The following CP variants were observed in gnomAD, a reference collection of about 807,000 sequenced individuals.
CP encodes caeruloplasmin.
Under a neutral mutation model 122.4 loss-of-function variants are expected in CP, and 64 were observed. The observed-to-expected ratio is 0.52, with a 90% CI of 0.43 to 0.64. The LOEUF is 0.64. Among genes scored for constraint, CP ranks in the 30% least tolerant of loss-of-function variants. CP has a pLI of 0.00. For missense variants in CP, 1,167 were observed against 1,284.4 expected (o/e 0.91, Z 1.40); for synonymous variants, 440 against 436.4 (o/e 1.01, Z -0.10).
intron 4 of CP, chr3:149,167,341 A>G: frequency 1.1e-6 from 1 of 899,458 alleles, no homozygotes; most frequent in South Asian, 1.4e-5. Flanking sequence ...ATGCTAATCC[A>G]ACATCATAAG....
At chr3:149,167,963 T>G, downstream of CP, 1 of 1,584,568 alleles carries the variant, frequency 6.3e-7, no homozygotes, top group Non-Finnish European at 8.7e-7. Context: ...AAGTATCAAC[T>G]CTACCTGTCA....
chr3:149,190,950 A>G lies in CP; in HGVS notation c.1714-2748T>C, dbSNP rs896265236. Among the ~76,000 whole-genome samples, 13 of 152,350 alleles carry G rather than the reference A, an allele frequency of 8.5e-5. 1 individual carries two copies. The highest frequency in any genetic ancestry group is 3.1e-4 in the African/African-American group (13 of 41,594). ...CCAATATATTAAAGAAAAATTCACC[A>G]TACTTAAGTGTTGTTCTCCCCCAGA... On this transcript the variant is annotated intron_variant, in intron 9 of 18. Transcript: ENST00000264613.
intron 18 of CP, among the ~76,000 whole-genome samples, chr3:149,175,664 A>AGTGTGTGTGT (rs60005904): frequency 0.044 from 6,360 of 145,582 alleles, 436 homozygotes; most frequent in African/African-American, 0.15. Flanking sequence ...CTCCATTTTA[A>AGTGTGTGTGT]GTGTGTGTGT....
chr3:149,183,671 T>G lies in CP; in HGVS notation c.2286-66A>C, dbSNP rs1725940221. On this transcript the variant is annotated intron_variant, in intron 12 of 18. Transcript: ENST00000264613. ...GAAAATGTAACTTAAGTTTTAAACT[T>G]TAAATTTTGAATAAAAATATAGTTT... 3 of 1,132,394 alleles carry G rather than the reference T, an allele frequency of 2.6e-6. No individual in the cohort carries two copies. The African/African-American group carries it at 4.8e-5, about 18-fold the overall frequency. 70.1% of individuals were successfully genotyped at this position (1,132,394 alleles called of 1,614,324 possible).
chr3:149,216,268 G>A (rs568609829), intron 1 of CP, among the ~76,000 whole-genome samples: 2 of 152,348 alleles, frequency 1.3e-5, no homozygotes, highest in South Asian at 4.1e-4. Context: ...TCAAGGGGCT[G>A]CTGAGCTGAG....
Position 149,188,220 on chromosome 3 carries a change from A to G in CP, c.1714-18T>C. 6.2e-7 allele frequency: 1 copy of G among 1,604,006 alleles called. No individual in the cohort carries two copies. Among genetic ancestry groups the G allele is most frequent in the East Asian group, 2.2e-5 (1 of 44,724 alleles). ...ACATCTTTCTGTAAATCAAAACAAA[A>G]TGAGATGGAGACAGAATGAATAAAG... is the stretch of plus-strand genomic sequence containing the variant. On this transcript the variant is annotated intron_variant, in intron 9 of 18. Transcript: ENST00000264613.
chr3:149,221,623 T>C (rs1402524380), intron 1 of CP, 24 bp downstream of exon 1: 6 of 1,605,580 alleles, frequency 3.7e-6, no homozygotes, highest in Non-Finnish European at 5.1e-6. Flanking sequence ...TTTTGGTCTA[T>C]AAACAATAAA....
chr3:149,211,341 T>C (rs1728085508), intron 2 of CP, among the ~76,000 whole-genome samples: 1 of 152,226 alleles, frequency 6.6e-6, no homozygotes, highest in South Asian at 2.1e-4. Flanking sequence ...TTATCTCTAT[T>C]TTATAGATGA....
chr3:149,184,036 T>TTC, intron 12 of CP, among the ~76,000 whole-genome samples: 1 of 124,382 alleles, frequency 8.0e-6, no homozygotes, highest in East Asian at 2.3e-4. Context: ...TTCTTTTTTT[T>TTC]TTTTTTTTTT....
rs1437472820 is a variant in CP at position 149,183,700 on chromosome 3, TTAGAG to T, written c.2286-100_2286-96del. The T allele has an allele frequency of 4.6e-6, 4 of 867,816 alleles. No individual in the cohort carries two copies. The African/African-American group carries it at 6.9e-5, about 15-fold the overall frequency. The allele number at this position is 867,816 out of a possible 1,614,324, so 53.8% of individuals were successfully genotyped here. On this transcript the variant is annotated intron_variant, in intron 12 of 18. Coordinates refer to ENST00000264613, the MANE Select transcript of CP (RefSeq NM_000096.4). ...ATTTTGAATAAAAATATAGTTTTTA[TTAGAG>T]TAATTATAGTAGTTTTAAATCATCA...
At position 149,206,326 on chromosome 3, in the gene CP, G is replaced by A. The variant is rs774379628; in HGVS notation, c.1050C>T (p.Ala350=). ...TGTTACACTCCTGGACCTGGAAAAA[G>A]GCTTGCAAACCGGCTGAAATGAAAC... ...NLNHLKAGLQ[A]FFQVQECNKS... Residue 350 remains alanine (A), a synonymous_variant, in exon 6 of 19, where the codon GCC becomes GCT. Transcript: ENST00000264613. 1 of 1,613,862 alleles carries A rather than the reference G, an allele frequency of 6.2e-7. No individual in the cohort carries two copies.
chr3:149,206,923 GT>G (rs1727765323), intron 5 of CP, among the ~76,000 whole-genome samples: 1 of 152,158 alleles, frequency 6.6e-6, no homozygotes, highest in Non-Finnish European at 1.5e-5. Flanking sequence ...AACAAGGAAT[GT>G]TTTTATTGCC....
At position 149,206,308 on chromosome 3, in the gene CP, C is replaced by T. The variant is rs769695797; in HGVS notation, c.1068G>A (p.Glu356=). The change falls in exon 6 of 19, where the codon GAG becomes GAA. Residue 356 remains glutamate (E), a synonymous_variant. Coordinates refer to ENST00000264613, the MANE Select transcript of CP (RefSeq NM_000096.4). ...TATCCTTTGATGAAGACTTGTTACA[C>T]TCCTGGACCTGGAAAAAGGCTTGCA... ...AGLQAFFQVQ[E]CNKSSSKDNI... is the part of the protein sequence containing the mutation. 2 of 1,613,830 alleles carry T rather than the reference C, an allele frequency of 1.2e-6. No individual in the cohort carries two copies. Among genetic ancestry groups the T allele is most frequent in the African/African-American group, 2.7e-5 (2 of 74,902 alleles).
intron 8 of CP, among the ~76,000 whole-genome samples, chr3:149,199,188 A>G (rs1351849674): frequency 2.0e-5 from 3 of 152,240 alleles, no homozygotes; most frequent in African/African-American, 7.2e-5. Flanking sequence ...TGTTTATAAA[A>G]CCCTTGTAAT....
intron 9 of CP, among the ~76,000 whole-genome samples, chr3:149,192,710 A>G (rs1726622899): frequency 6.6e-6 from 1 of 151,952 alleles, no homozygotes; most frequent in Non-Finnish European, 1.5e-5. Context: ...CTTAATATAT[A>G]GATATTTTAT....
At chr3:149,181,007 A>G (rs1171775869) in intron 14 of CP, among the ~76,000 whole-genome samples, 2 of 151,724 alleles carry the variant, frequency 1.3e-5, no homozygotes, top group Non-Finnish European at 2.9e-5. Context: ...CCAAATCTCG[A>G]TGATGATGAT....
At chr3:149,182,796 T>C (rs1225646202) in intron 13 of CP, among the ~76,000 whole-genome samples, 5 of 152,176 alleles carry the variant, frequency 3.3e-5, no homozygotes, top group Non-Finnish European at 7.3e-5. Context: ...TATTTTAATT[T>C]TAAAAGTAAA....
At chr3:149,187,456 G>C (rs1243259884) in intron 10 of CP, among the ~76,000 whole-genome samples, 1 of 152,080 alleles carries the variant, frequency 6.6e-6, no homozygotes, top group Non-Finnish European at 1.5e-5. Flanking sequence ...ATTACACTAG[G>C]TATTTAAAAA....
intron 14 of CP, among the ~76,000 whole-genome samples, 157 bp downstream of exon 14, chr3:149,181,848 T>G (rs551684115): frequency 6.6e-6 from 1 of 152,330 alleles, no homozygotes; most frequent in African/African-American, 2.4e-5. Context: ...AGCATGTGCA[T>G]GTACTTGCAT....
Sources: allele counts gnomAD v4.1 joint callset (sites outside exome capture counted in the v4.1 genomes callset), GRCh38; gene constraint gnomAD v4.1.1; transcripts MANE v1.5; gene names NCBI Gene and HGNC (gene_info 2026-07-23, HGNC 2026-07-21).